ZPBP: variants seen among roughly 807,000 people sequenced by gnomAD.
The protein encoded by ZPBP is zona pellucida binding protein.
In ZPBP, 26 loss-of-function variants were observed where a neutral mutation model predicts 44.8. That is an observed-to-expected ratio of 0.58 (90% CI 0.43 to 0.81). The LOEUF is 0.81. Ranked by LOEUF, ZPBP falls within the 30% of genes least tolerant of loss-of-function variation. ZPBP has a pLI of 0.00. For missense variants in ZPBP, 409 were observed against 434.0 expected (o/e 0.94, Z 0.51); for synonymous variants, 174 against 153.2 (o/e 1.14, Z -1.00).
At chr7:50,083,675 C>T (rs1288525640) in intron 2 of ZPBP, among the ~76,000 whole-genome samples, 2 of 151,668 alleles carry the variant, frequency 1.3e-5, no homozygotes, top group East Asian at 3.9e-4. Context: ...GGGAAAAAAT[C>T]AAATTGGCAT....
intron 4 of ZPBP, chr7:50,056,375 C>A (rs991496490): frequency 3.3e-5 from 5 of 152,154 alleles, no homozygotes; most frequent in African/African-American, 9.7e-5. Context: ...CTTTTGTCAG[C>A]GCATTTCCTT....
downstream of ZPBP, among the ~76,000 whole-genome samples, chr7:49,847,212 T>TTATAATATAA (rs200959078): frequency 2.7e-5 from 4 of 149,010 alleles, no homozygotes; most frequent in South Asian, 4.2e-4. Context: ...TGTGAACCTA[T>TTATAATATAA]TATAATATAA....
chr7:49,929,792 T>C (rs1317605836), intron 1 of ZPBP, among the ~76,000 whole-genome samples: 1 of 152,186 alleles, frequency 6.6e-6, no homozygotes, highest in African/African-American at 2.4e-5. Flanking sequence ...CAGTTTGAAG[T>C]TGTATTACAT....
At chr7:49,925,265 G>A (rs1397179063) in intron 1 of ZPBP, among the ~76,000 whole-genome samples, 1 of 152,214 alleles carries the variant, frequency 6.6e-6, no homozygotes, top group African/African-American at 2.4e-5. Context: ...CACACACACA[G>A]TGAGTACGTA....
intron 3 of ZPBP, among the ~76,000 whole-genome samples, chr7:50,076,806 A>G (rs1200651352): frequency 2.0e-5 from 3 of 151,878 alleles, no homozygotes. Flanking sequence ...CAATATTATT[A>G]GAATGTCCAA....
chr7:50,036,457 A>C (rs1041538937), intron 4 of ZPBP, among the ~76,000 whole-genome samples: 5 of 152,196 alleles, frequency 3.3e-5, no homozygotes, highest in Non-Finnish European at 7.4e-5. Flanking sequence ...GCCAATAAAT[A>C]TGTTTAATTA....
chr7:49,938,468 CA>C (rs1223261510), intron 7 of ZPBP, among the ~76,000 whole-genome samples: 1 of 152,136 alleles, frequency 6.6e-6, no homozygotes, highest in African/African-American at 2.4e-5. Context: ...TTAGGTAAAA[CA>C]GTCAACTCTC....
intron 1 of ZPBP, among the ~76,000 whole-genome samples, chr7:50,092,681 C>T (rs1397197855): frequency 6.6e-6 from 1 of 152,166 alleles, no homozygotes; most frequent in Non-Finnish European, 1.5e-5. Context: ...GGCGCTCCAC[C>T]ATCACGGATA....
intron 7 of ZPBP, among the ~76,000 whole-genome samples, chr7:49,982,332 T>C (rs111379375): frequency 2.0e-4 from 24 of 120,652 alleles, no homozygotes; most frequent in African/African-American, 7.4e-4. Flanking sequence ...AATTATATAA[T>C]ATATAATACA....
At chr7:49,975,949 T>G (rs1562813484) in intron 7 of ZPBP, among the ~76,000 whole-genome samples, 3 of 152,198 alleles carry the variant, frequency 2.0e-5, no homozygotes. Flanking sequence ...AGTGGAGTTT[T>G]GGGGTAACAT....
chr7:49,881,741 CAATTCATCTCTTT>C (rs1454156029), intron 2 of ZPBP, among the ~76,000 whole-genome samples: 2 of 152,098 alleles, frequency 1.3e-5, no homozygotes, highest in Non-Finnish European at 2.9e-5. Flanking sequence ...TTTTGATAGG[CAATTCATCTCTTT>C]AATTCATCTC....
chr7:50,037,355 G>T (rs1799871182), intron 4 of ZPBP, among the ~76,000 whole-genome samples: 1 of 152,220 alleles, frequency 6.6e-6, no homozygotes, highest in Non-Finnish European at 1.5e-5. Flanking sequence ...TAAGAACAGT[G>T]TAATAGTCCG....
intron 7 of ZPBP, among the ~76,000 whole-genome samples, chr7:49,980,770 C>T (rs1417388328): frequency 6.6e-6 from 1 of 152,052 alleles, no homozygotes; most frequent in Non-Finnish European, 1.5e-5. Flanking sequence ...GCCTTACATC[C>T]CAACATTGCC....
intron 6 of ZPBP, among the ~76,000 whole-genome samples, chr7:49,999,336 G>A (rs778944647): frequency 6.6e-6 from 1 of 151,508 alleles, no homozygotes; most frequent in African/African-American, 2.4e-5. Flanking sequence ...TGCTTCAAAA[G>A]CTGGTGAGGA....
intron 7 of ZPBP, among the ~76,000 whole-genome samples, chr7:49,965,891 A>C (rs778306437): frequency 2.0e-5 from 3 of 152,104 alleles, no homozygotes; most frequent in Non-Finnish European, 4.4e-5. Context: ...AATTCTACCT[A>C]ATAGGTCAAG....
chr7:50,049,163 G>T (rs1164301594), intron 4 of ZPBP, among the ~76,000 whole-genome samples: 1 of 152,016 alleles, frequency 6.6e-6, no homozygotes, highest in Non-Finnish European at 1.5e-5. Context: ...TAAAAAGGTT[G>T]AATTAGTAAT....
rs77940731 is a variant in ZPBP at position 49,930,678 on chromosome 7, T to C, written n.411+5073A>G. Among the ~76,000 whole-genome samples, 946 of 152,190 alleles carry C rather than the reference T, an allele frequency of 6.2e-3. 7 individuals carry two copies. The highest frequency in any genetic ancestry group is 0.021 in the African/African-American group (882 of 41,524). On this transcript the variant is annotated intron_variant and non_coding_transcript_variant, in intron 1 of 2. Transcript: ENST00000465922. ...ATCCTTAGAAAATACACTTGGCAAG[T>C]GGTCCAGAAGATTAGAAATACCTAA...
In ZPBP at chr7:49,941,074, A is replaced by G. The variant is rs116721497; in HGVS notation, c.962-3452T>C. ...TGTTCCACATCACTAAGCGTAAGAG[A>G]AAAACAAATCAAAGCTACAATGAGA... On this transcript the variant is annotated intron_variant, in intron 7 of 7. Transcript: ENST00000046087. 4.2e-3 allele frequency among the ~76,000 whole-genome samples: 641 copies of G among 152,284 alleles called. 3 individuals are homozygous for G. The highest frequency in any genetic ancestry group is 0.015 in the African/African-American group (623 of 41,566).
intron 1 of ZPBP, chr7:49,919,124 G>C (rs752249132): frequency 6.6e-6 from 1 of 152,046 alleles, no homozygotes; most frequent in Non-Finnish European, 1.5e-5. Flanking sequence ...CCTACATGGG[G>C]CACAGTCAGG....
Sources: gnomAD v4.1 joint callset for allele counts (sites outside exome capture counted in the v4.1 genomes callset) on GRCh38, gnomAD v4.1.1 for gene constraint, MANE v1.5 for transcripts, NCBI Gene and HGNC (gene_info 2026-07-23, HGNC 2026-07-21) for gene names.